NOSTRIN: variants seen among roughly 807,000 people sequenced by gnomAD.
The protein encoded by NOSTRIN is BM247 homolog.
In NOSTRIN, 63 loss-of-function variants were observed where a neutral mutation model predicts 59.0. The observed-to-expected ratio is 1.07, with a 90% CI of 0.87 to 1.32. The LOEUF is 1.32. Among genes scored for constraint, NOSTRIN ranks in the 40% most tolerant of loss-of-function variants. The pLI is 0.00. For synonymous variants in NOSTRIN, 200 were observed against 165.4 expected (o/e 1.21, Z -1.61); for missense variants, 512 against 473.1 (o/e 1.08, Z -0.76).
At chr2:168,846,480 G>T (rs918078573) in intron 8 of NOSTRIN, among the ~76,000 whole-genome samples, 2 of 152,196 alleles carry the variant, frequency 1.3e-5, no homozygotes, top group African/African-American at 2.4e-5. Context: ...GATACTGTGA[G>T]AAATATTGTA....
chr2:168,840,978 T>A (rs1167144057), intron 7 of NOSTRIN, among the ~76,000 whole-genome samples: 2 of 151,988 alleles, frequency 1.3e-5, no homozygotes, highest in African/African-American at 4.8e-5. Flanking sequence ...ATCGGCTGGG[T>A]GCGATGGCCC....
intron 8 of NOSTRIN, among the ~76,000 whole-genome samples, chr2:168,847,862 T>A (rs142915800): frequency 3.3e-5 from 5 of 152,352 alleles, no homozygotes; most frequent in African/African-American, 9.6e-5. Context: ...CTCCTCTTCT[T>A]ATGAGCAAAC....
intron 2 of NOSTRIN, among the ~76,000 whole-genome samples, chr2:168,812,923 A>G (rs950792319): frequency 6.6e-6 from 1 of 152,368 alleles, no homozygotes; most frequent in South Asian, 2.1e-4. Flanking sequence ...ATCAGCACCA[A>G]ATAAATGGGG....
rs1289877608 is a variant in NOSTRIN, at chr2:168,821,295, G to A, written c.114-3339G>A. On this transcript the variant is annotated intron_variant, in intron 2 of 15. Transcript: ENST00000317647. ...TGACAGCAGTGTGCTCTAACATCGG[G>A]GCTGAGCACCCAAACCAGAGAGACT... Among the ~76,000 whole-genome samples the A allele has an allele frequency of 2.0e-5, 3 of 152,198 alleles. No homozygotes were observed. The East Asian group carries it at 5.8e-4, about 29-fold the overall frequency.
chr2:168,826,133 G>A (rs1479527872), intron 3 of NOSTRIN, among the ~76,000 whole-genome samples: 1 of 152,156 alleles, frequency 6.6e-6, no homozygotes, highest in Non-Finnish European at 1.5e-5. Flanking sequence ...GGTAATATAA[G>A]ACGTGTGCTT....
In NOSTRIN at chr2:168,788,790, A is replaced by G. The variant is rs148153153; in HGVS notation, c.-473+742A>G. ...TATTGGATTAAAATTGTAAGTATCCATGTATGGTTTTTAATAAGTAGATAT... is the reference window on the plus strand; with the variant it reads ...TATTGGATTAAAATTGTAAGTATCCGTGTATGGTTTTTAATAAGTAGATAT... On this transcript the variant is annotated intron_variant, in intron 2 of 20. Coordinates refer to the NOSTRIN transcript ENST00000458381. Among the ~76,000 whole-genome samples the G allele has an allele frequency of 3.3e-5, 5 of 152,326 alleles. No individual in the cohort carries two copies. The East Asian group carries it at 5.8e-4, about 18-fold the overall frequency.
Position 168,865,190 on chromosome 2 carries a change from G to A in NOSTRIN, c.*220G>A, listed in dbSNP as rs1279096036. On this transcript the variant is annotated 3_prime_UTR_variant, in exon 16 of 16. Coordinates refer to ENST00000317647, the MANE Select transcript of NOSTRIN (RefSeq NM_001039724.4). Reference sequence around the variant, plus strand: ...CAAGGAAGAGGCTCCTTGGTTCCTAGAGGAGTTTCCAAATTCTAGGAGACC... The same window carrying A: ...CAAGGAAGAGGCTCCTTGGTTCCTAAAGGAGTTTCCAAATTCTAGGAGACC... The A allele has an allele frequency of 3.7e-6, 2 of 538,154 alleles. No individual in the cohort carries two copies. The highest frequency in any genetic ancestry group is 6.5e-6 in the Non-Finnish European group (2 of 308,460). The allele number at this position is 538,154 out of a possible 1,614,324, so 33.3% of individuals were successfully genotyped here. A position where few individuals can be genotyped will look rare whatever the true frequency, so the allele number is the denominator to read the frequency against.
chr2:168,827,242 C>T (rs1377810465), intron 3 of NOSTRIN, among the ~76,000 whole-genome samples: 1 of 152,156 alleles, frequency 6.6e-6, no homozygotes, highest in Non-Finnish European at 1.5e-5. Flanking sequence ...CATGGGGCCA[C>T]TGTGGAAGAA....
intron 6 of NOSTRIN, among the ~76,000 whole-genome samples, chr2:168,831,742 A>C (rs1574292247): frequency 6.6e-6 from 1 of 152,352 alleles, no homozygotes; most frequent in East Asian, 1.9e-4. Context: ...TTTAGCACTT[A>C]TTATGTGCTA....
At chr2:168,839,280 G>A (rs752484714) in intron 7 of NOSTRIN, among the ~76,000 whole-genome samples, 7 of 152,116 alleles carry the variant, frequency 4.6e-5, no homozygotes, top group Non-Finnish European at 8.8e-5. Flanking sequence ...TATGGAGATC[G>A]ATTTTTGAGC....
At chr2:168,799,078 C>G (rs1685554575), upstream of NOSTRIN, among the ~76,000 whole-genome samples, 1 of 151,980 alleles carries the variant, frequency 6.6e-6, no homozygotes, top group South Asian at 2.1e-4. Flanking sequence ...AGCCAATCAA[C>G]AGCTTGTGTT....
chr2:168,860,093 T>G (rs1050275651), intron 13 of NOSTRIN, among the ~76,000 whole-genome samples: 1 of 152,208 alleles, frequency 6.6e-6, no homozygotes, highest in Non-Finnish European at 1.5e-5. Context: ...AAGGGGGAAC[T>G]GTAATCATCT....
chr2:168,818,251 T>C (rs1171080243), intron 2 of NOSTRIN: 1 of 437,238 alleles, frequency 2.3e-6, no homozygotes, highest in South Asian at 1.7e-5. Context: ...ACTCCTGTGC[T>C]CGCGAACTCC....
At chr2:168,843,698 C>CA (rs989012877) in intron 8 of NOSTRIN, among the ~76,000 whole-genome samples, 1 of 152,060 alleles carries the variant, frequency 6.6e-6, no homozygotes, top group Admixed American at 6.5e-5. Context: ...GATTATTTGG[C>CA]AAAAATTAGA....
At chr2:168,864,229 G>A (rs114375128) in intron 15 of NOSTRIN, among the ~76,000 whole-genome samples, 2,566 of 151,632 alleles carry the variant, frequency 0.017, 70 homozygotes, top group African/African-American at 0.057. Flanking sequence ...TGCCCATCGC[G>A]GCCTCCCAAC....
intron 15 of NOSTRIN, chr2:168,863,325 T>TAAGA (rs1343421228): frequency 5.0e-5 from 42 of 839,142 alleles, no homozygotes; most frequent in Admixed American, 4.4e-4. Context: ...GATTTATGAC[T>TAAGA]AAGAAAATGT....
rs562663510 is a variant in NOSTRIN at position 168,865,427 on chromosome 2, A to G, written c.*457A>G. Reference sequence around the variant, plus strand: ...AGATGAGGAACACAGATCAATTCCAAGAAGAGAGACAGGCAATCAAGACAC... The same window carrying G: ...AGATGAGGAACACAGATCAATTCCAGGAAGAGAGACAGGCAATCAAGACAC... On this transcript the variant is annotated 3_prime_UTR_variant, in exon 16 of 16. Transcript: ENST00000317647. 32 of 155,090 alleles carry G rather than the reference A, an allele frequency of 2.1e-4. No homozygotes were observed. The highest frequency in any genetic ancestry group is 3.6e-4 in the Non-Finnish European group (25 of 69,928). The allele number at this position is 155,090 out of a possible 1,614,324, so 9.6% of individuals were successfully genotyped here. A position where few individuals can be genotyped will look rare whatever the true frequency, so the allele number is the denominator to read the frequency against.
intron 3 of NOSTRIN, 53 bp from the exon 4 acceptor site, chr2:168,828,105 A>C: frequency 4.6e-6 from 4 of 867,912 alleles, no homozygotes; most frequent in Non-Finnish European, 8.0e-6. Context: ...AGCACATCCT[A>C]TTTCCTAGGA....
chr2:168,865,075 G>T lies in NOSTRIN; in HGVS notation c.*105G>T. ...CCTTTACATGTTTTTCTTTTGAAAT[G>T]GATGGAGTTCTACCTGCATGTCACA... On this transcript the variant is annotated 3_prime_UTR_variant, in exon 16 of 16. Transcript: ENST00000317647. 1 of 1,260,148 alleles carries T rather than the reference G, an allele frequency of 7.9e-7. No individual in the cohort carries two copies. The highest frequency in any genetic ancestry group is 1.1e-6 in the Non-Finnish European group (1 of 907,946). The allele number at this position is 1,260,148 out of a possible 1,614,324, so 78.1% of individuals were successfully genotyped here.
Sources: gnomAD v4.1 joint callset for allele counts (sites outside exome capture counted in the v4.1 genomes callset) on GRCh38, gnomAD v4.1.1 for gene constraint, MANE v1.5 for transcripts, NCBI Gene and HGNC (gene_info 2026-07-23, HGNC 2026-07-21) for gene names.